The following ADAMTS17 variants were observed in gnomAD, a reference collection of about 807,000 sequenced individuals.
ADAMTS17 encodes ADAM metallopeptidase with thrombospondin type 1 motif 17.
Under a neutral mutation model 141.5 loss-of-function variants are expected in ADAMTS17, and 113 were observed. The ratio of observed to expected loss-of-function variants is 0.80; its 90% CI spans 0.69 to 0.93. ADAMTS17 has a LOEUF of 0.93. ADAMTS17 is among the 40% of genes least tolerant of loss of function. The probability of loss-of-function intolerance (pLI) is 0.00; values close to 1 mark genes in which losing one functional copy is unlikely to be tolerated. For missense variants in ADAMTS17, 1,659 were observed against 1,517.9 expected, an observed-to-expected ratio of 1.09 and a Z score of -1.54; for synonymous variants, 768 against 630.6, an observed-to-expected ratio of 1.22 and a Z score of -3.27.
At chr15:100,152,258 C>T (rs1009364460) in intron 10 of ADAMTS17, among the ~76,000 whole-genome samples, 1 of 152,114 alleles carries the variant, frequency 6.6e-6, no homozygotes, top group African/African-American at 2.4e-5. Flanking sequence ...CTCTAGTGTC[C>T]TCAGGTTTCC....
intron 8 of ADAMTS17, among the ~76,000 whole-genome samples, chr15:100,185,983 C>G (rs894210194): frequency 6.6e-6 from 1 of 152,060 alleles, no homozygotes; most frequent in East Asian, 1.9e-4. Context: ...GTGCAGCCGA[C>G]AATTACTCCA....
At chr15:100,170,104 C>T (rs139909605) in intron 8 of ADAMTS17, among the ~76,000 whole-genome samples, 34 of 152,034 alleles carry the variant, frequency 2.2e-4, no homozygotes, top group African/African-American at 7.2e-4. Context: ...TGAGATGTTA[C>T]GTGGGCACCA....
In ADAMTS17 at chr15:100,300,394, A is replaced by C. The variant is rs577824855; in HGVS notation, c.617-18993T>G. Among the ~76,000 whole-genome samples, 9 of 152,322 alleles carry C rather than the reference A, an allele frequency of 5.9e-5. No individual in the cohort carries two copies. In the South Asian group the frequency reaches 1.9e-3, roughly 32 times the overall value. ...CCAAATGCCAAGGACCCTTCAGAGCAAAACGACCTGCCCAGAAAATGCAGT... is the reference window on the plus strand; with the variant it reads ...CCAAATGCCAAGGACCCTTCAGAGCCAAACGACCTGCCCAGAAAATGCAGT... On this transcript the variant is annotated intron_variant, in intron 3 of 21. Coordinates refer to ENST00000268070, the MANE Select transcript of ADAMTS17 (RefSeq NM_139057.4).
chr15:100,298,048 C>T (rs1180500616), intron 3 of ADAMTS17, among the ~76,000 whole-genome samples: 1 of 151,790 alleles, frequency 6.6e-6, no homozygotes, highest in African/African-American at 2.4e-5. Context: ...GGTGGGGGGT[C>T]TCAGTGAGAG....
At chr15:100,115,284 G>A (rs1428811522) in intron 13 of ADAMTS17, among the ~76,000 whole-genome samples, 1 of 152,202 alleles carries the variant, frequency 6.6e-6, no homozygotes, top group African/African-American at 2.4e-5. Flanking sequence ...AGGCCGGTGT[G>A]CAACTGCACG....
chr15:100,310,835 G>C (rs1254248805), intron 3 of ADAMTS17, among the ~76,000 whole-genome samples: 2 of 152,182 alleles, frequency 1.3e-5, no homozygotes, highest in Admixed American at 1.3e-4. Flanking sequence ...AGCTCCTTCA[G>C]CCCAAAGCCA....
At chr15:100,065,933 T>C (rs2033488003) in intron 15 of ADAMTS17, among the ~76,000 whole-genome samples, 1 of 152,228 alleles carries the variant, frequency 6.6e-6, no homozygotes, top group African/African-American at 2.4e-5. Flanking sequence ...TATCCATGAA[T>C]TCTCATTGTT....
At chr15:100,216,341 T>C (rs897877496) in intron 7 of ADAMTS17, among the ~76,000 whole-genome samples, 1 of 152,232 alleles carries the variant, frequency 6.6e-6, no homozygotes. Flanking sequence ...CACAGGACAA[T>C]TTCACAATGA....
intron 10 of ADAMTS17, among the ~76,000 whole-genome samples, chr15:100,147,936 G>C (rs2038986474): frequency 6.6e-6 from 1 of 152,258 alleles, no homozygotes; most frequent in African/African-American, 2.4e-5. Flanking sequence ...CTGCGAGGCT[G>C]TGAGGTTTCC....
Position 100,338,995 on chromosome 15 carries a change from G to A in ADAMTS17, c.450+2044C>T, listed in dbSNP as rs1043743669. ...GTCTCTTCCCTCCGGCCTTCAGTACGTACAGAGGGGGAAGTGTCCAATGTC... is the reference window on the plus strand; with the variant it reads ...GTCTCTTCCCTCCGGCCTTCAGTACATACAGAGGGGGAAGTGTCCAATGTC... On this transcript the variant is annotated intron_variant, in intron 2 of 21. Coordinates refer to ENST00000268070, the MANE Select transcript of ADAMTS17 (RefSeq NM_139057.4). 11 of 985,408 alleles carry A rather than the reference G, an allele frequency of 1.1e-5. No individual in the cohort carries two copies. In the African/African-American group the frequency reaches 1.2e-4, roughly 11 times the overall value. 61.0% of individuals were successfully genotyped at this position (985,408 alleles called of 1,614,324 possible).
At chr15:100,332,620 T>A (rs901953670) in intron 2 of ADAMTS17, among the ~76,000 whole-genome samples, 2 of 152,238 alleles carry the variant, frequency 1.3e-5, no homozygotes, top group South Asian at 4.1e-4. Context: ...CAGCTGTTAG[T>A]TCTAAGCTGA....
At chr15:100,260,137 T>C (rs113031956) in intron 6 of ADAMTS17, among the ~76,000 whole-genome samples, 45 of 152,186 alleles carry the variant, frequency 3.0e-4, no homozygotes, top group African/African-American at 1.0e-3. Context: ...GAGCCATCGC[T>C]CCCGGCTTAT....
intron 3 of ADAMTS17, among the ~76,000 whole-genome samples, chr15:100,318,192 G>C (rs573461529): frequency 6.6e-6 from 1 of 152,122 alleles, no homozygotes; most frequent in African/African-American, 2.4e-5. Flanking sequence ...GTTTCATGAG[G>C]GGTAAATCAT....
chr15:100,159,755 G>C (rs2039602816), intron 8 of ADAMTS17, among the ~76,000 whole-genome samples: 1 of 152,222 alleles, frequency 6.6e-6, no homozygotes, highest in Admixed American at 6.5e-5. Flanking sequence ...ACAGACCCTG[G>C]AGTCCTAGTC....
chr15:100,228,288 T>C (rs1207077966), intron 7 of ADAMTS17, among the ~76,000 whole-genome samples: 4 of 152,236 alleles, frequency 2.6e-5, no homozygotes, highest in Non-Finnish European at 5.9e-5. Flanking sequence ...GACCTCTGCA[T>C]TCAAGAAACC....
intron 8 of ADAMTS17, among the ~76,000 whole-genome samples, chr15:100,171,803 G>C (rs533490847): frequency 2.1e-4 from 32 of 152,146 alleles, no homozygotes; most frequent in Non-Finnish European, 2.9e-5. Context: ...TAAATGAATG[G>C]AACCAACGGA....
rs755944562 is a variant in ADAMTS17 at position 100,053,974 on chromosome 15, T to C, written c.2218A>G (p.Thr740Ala). The change falls in exon 16 of 22, where the codon ACT becomes GCT. Residue 740 changes from threonine (T) to alanine (A), a missense_variant. Transcript: ENST00000268070. Reference protein sequence around the residue: ...LPGEFQIAGTTVRYVRRGLWE... With the variant: ...LPGEFQIAGTAVRYVRRGLWE... ...AGCCCCCTTCTCACATAGCGAACAG[T>C]TGTGCCTGCAATCTGGAACTCTCCG... 3.7e-6 allele frequency: 6 copies of C among 1,614,200 alleles called. No homozygotes were observed. Among genetic ancestry groups the C allele is most frequent in the East Asian group, 2.2e-5 (1 of 44,890 alleles).
rs2044525681 is a variant in ADAMTS17 at position 100,288,587 on chromosome 15, CAT to C, written c.617-7188_617-7187del. ...ACATTCTTCTCATCTGCACATGCCA[CAT>C]ACTCTAAAATCTACCACACAATCAG... On this transcript the variant is annotated intron_variant, in intron 3 of 21. Coordinates refer to ENST00000268070, the MANE Select transcript of ADAMTS17 (RefSeq NM_139057.4). 2.6e-5 allele frequency among the ~76,000 whole-genome samples: 4 copies of C among 152,314 alleles called. No homozygotes were observed. In the South Asian group the frequency reaches 8.3e-4, roughly 32 times the overall value.
chr15:100,240,396 T>C (rs925087035), intron 7 of ADAMTS17, among the ~76,000 whole-genome samples: 1 of 152,248 alleles, frequency 6.6e-6, no homozygotes, highest in Non-Finnish European at 1.5e-5. Flanking sequence ...TATGCCACTG[T>C]GGCCGAAGGA....
Sources: allele counts gnomAD v4.1 joint callset (sites outside exome capture counted in the v4.1 genomes callset), GRCh38; gene constraint gnomAD v4.1.1; transcripts MANE v1.5; gene names NCBI Gene and HGNC (gene_info 2026-07-23, HGNC 2026-07-21).